CLVS1: variants seen among roughly 807,000 people sequenced by gnomAD.
CLVS1 encodes the protein clavesin 1, also known as clavesin-1.
In CLVS1, 10 loss-of-function variants were observed where a neutral mutation model predicts 33.1. The ratio of observed to expected loss-of-function variants is 0.30; its 90% confidence interval spans 0.19 to 0.51. CLVS1 has a LOEUF of 0.51. Among genes scored for constraint, CLVS1 ranks in the 20% least tolerant of loss-of-function variants. CLVS1 has a pLI of 0.97. For synonymous variants in CLVS1, 163 were observed against 166.1 expected (o/e 0.98, Z 0.14); for missense variants, 343 against 433.4 (o/e 0.79, Z 1.85).
chr8:61,063,258 A>AGT (rs1804614331), intron 1 of CLVS1, among the ~76,000 whole-genome samples: 1 of 120,870 alleles, frequency 8.3e-6, no homozygotes, highest in Non-Finnish European at 1.6e-5. Context: ...AAAGTGAGGA[A>AGT]GCGAGAGAGA....
rs1445508760 is a variant in CLVS1 at position 61,167,531 on chromosome 8, A to C, written c.-152+35671A>C. ...TACCCTTCAAGCCTCTACCTTCTCTATTTAGTGTCAGTGGATAAAAATTAC... is the reference window on the plus strand; with the variant it reads ...TACCCTTCAAGCCTCTACCTTCTCTCTTTAGTGTCAGTGGATAAAAATTAC... On this transcript the variant is annotated intron_variant, in intron 2 of 2. Coordinates refer to the CLVS1 transcript ENST00000522621. Among the ~76,000 whole-genome samples the C allele has an allele frequency of 2.0e-5, 3 of 152,130 alleles. No homozygotes were observed. The South Asian group carries it at 6.2e-4, about 32-fold the overall frequency.
In CLVS1 at chr8:61,211,392, C is replaced by T. The variant is rs118102720; in HGVS notation, c.-152+79532C>T. Among the ~76,000 whole-genome samples the T allele has an allele frequency of 9.6e-4, 143 of 149,736 alleles. No homozygotes were observed. The East Asian group carries it at 0.022, about 23-fold the overall frequency. ...TCCTTCTTTCCCTTCTCTTCCTTCC[C>T]CCTTTACCTCCTCCTCCTCCCCCTA... On this transcript the variant is annotated intron_variant, in intron 2 of 2. Transcript: ENST00000522621.
intron 2 of CLVS1, among the ~76,000 whole-genome samples, chr8:61,263,967 T>C (rs1256580086): frequency 1.3e-5 from 2 of 152,198 alleles, no homozygotes; most frequent in East Asian, 3.9e-4. Flanking sequence ...GTCGCAGAGA[T>C]TGAGTGTGAG....
intron 2 of CLVS1, among the ~76,000 whole-genome samples, chr8:61,344,019 C>A (rs928929099): frequency 2.7e-4 from 41 of 152,040 alleles, no homozygotes; most frequent in African/African-American, 9.6e-4. Flanking sequence ...TGGTCCTATG[C>A]CAAAGGACCA....
At chr8:61,120,187 C>T (rs1456303843) in intron 1 of CLVS1, among the ~76,000 whole-genome samples, 21 of 146,012 alleles carry the variant, frequency 1.4e-4, no homozygotes, top group African/African-American at 5.4e-4. Context: ...CTTCTGCATT[C>T]TTCACGTAGT....
chr8:61,343,252 A>T (rs924381051), intron 2 of CLVS1, among the ~76,000 whole-genome samples: 2 of 152,250 alleles, frequency 1.3e-5, no homozygotes, highest in African/African-American at 4.8e-5. Context: ...TGTTTTTCAA[A>T]AGATAAAAAT....
At chr8:61,221,526 G>T (rs565469385) in intron 2 of CLVS1, among the ~76,000 whole-genome samples, 1 of 152,298 alleles carries the variant, frequency 6.6e-6, no homozygotes, top group African/African-American at 2.4e-5. Context: ...TGATCCCAGG[G>T]ATGAAGCTGA....
intron 2 of CLVS1, among the ~76,000 whole-genome samples, chr8:61,343,976 C>T (rs1812114549): frequency 6.6e-6 from 1 of 152,126 alleles, no homozygotes; most frequent in Admixed American, 6.5e-5. Context: ...TACATACATA[C>T]ATATACACAC....
chr8:61,299,767 G>C lies in CLVS1; in HGVS notation c.-61G>C. On this transcript the variant is annotated 5_prime_UTR_variant, in exon 2 of 6. Coordinates refer to ENST00000325897, the MANE Select transcript of CLVS1 (RefSeq NM_173519.3). ...AGAAGACCCTCTATTTGTCTGTTCC[G>C]GGGCAGCCTGGTAGTAAAACACTGT... is the stretch of plus-strand genomic sequence containing the variant. 2 of 1,279,446 alleles carry C rather than the reference G, an allele frequency of 1.6e-6. No homozygotes were observed. Among genetic ancestry groups the C allele is most frequent in the South Asian group, 1.4e-5 (1 of 72,216 alleles). 79.3% of individuals were successfully genotyped at this position (1,279,446 alleles called of 1,614,324 possible). A position where few individuals can be genotyped will look rare whatever the true frequency, so the allele number is the denominator to read the frequency against.
chr8:61,391,604 A>G (rs1242340612), intron 3 of CLVS1, among the ~76,000 whole-genome samples: 1 of 152,216 alleles, frequency 6.6e-6, no homozygotes. Context: ...AATATTAACA[A>G]TGTGAAATAA....
chr8:61,222,594 A>G (rs1489727393), intron 2 of CLVS1, among the ~76,000 whole-genome samples: 3 of 152,132 alleles, frequency 2.0e-5, no homozygotes, highest in Non-Finnish European at 4.4e-5. Context: ...TTTTACTTCC[A>G]ATTATGTGGT....
At chr8:61,384,144 G>A (rs955631181) in intron 3 of CLVS1, among the ~76,000 whole-genome samples, 4 of 152,156 alleles carry the variant, frequency 2.6e-5, no homozygotes, top group Non-Finnish European at 4.4e-5. Context: ...AGAGAATACA[G>A]ACAAAGACAG....
At chr8:61,201,041 G>A (rs975310015) in intron 2 of CLVS1, among the ~76,000 whole-genome samples, 2 of 152,146 alleles carry the variant, frequency 1.3e-5, no homozygotes, top group Non-Finnish European at 2.9e-5. Context: ...TTACTAAATT[G>A]CAATCCTTTC....
At chr8:61,314,996 A>C (rs1016702268) in intron 2 of CLVS1, among the ~76,000 whole-genome samples, 3 of 152,224 alleles carry the variant, frequency 2.0e-5, no homozygotes, top group African/African-American at 7.2e-5. Context: ...TTGGAAATGT[A>C]GTTGTGCCCA....
the CLVS1 span, among the ~76,000 whole-genome samples, chr8:61,010,673 A>G: frequency 6.6e-6 from 1 of 152,176 alleles, no homozygotes; most frequent in Non-Finnish European, 1.5e-5. Flanking sequence ...CTAAACAGGC[A>G]ATTCTATGAG....
chr8:61,079,872 G>C (rs2129282249), intron 1 of CLVS1, among the ~76,000 whole-genome samples: 1 of 151,808 alleles, frequency 6.6e-6, no homozygotes, highest in South Asian at 2.1e-4. Flanking sequence ...TGTTACTAAT[G>C]GTAAATTTTG....
intron 1 of CLVS1, among the ~76,000 whole-genome samples, chr8:61,112,769 G>T (rs1805652498): frequency 3.9e-5 from 6 of 152,074 alleles, no homozygotes; most frequent in African/African-American, 1.4e-4. Flanking sequence ...TGTGCCACCA[G>T]CAGATGACAT....
intron 1 of CLVS1, among the ~76,000 whole-genome samples, chr8:61,076,494 A>G (rs548454870): frequency 2.0e-4 from 31 of 152,322 alleles, no homozygotes; most frequent in Non-Finnish European, 3.8e-4. Flanking sequence ...CTAACATATC[A>G]GGGAGTGTTT....
At chr8:61,311,386 G>C (rs1426604621) in intron 2 of CLVS1, among the ~76,000 whole-genome samples, 1 of 152,010 alleles carries the variant, frequency 6.6e-6, no homozygotes, top group Non-Finnish European at 1.5e-5. Flanking sequence ...CTTCATCCAG[G>C]GCTCAGCTGC....
Sources: allele counts gnomAD v4.1 joint callset (sites outside exome capture counted in the v4.1 genomes callset), GRCh38; gene constraint gnomAD v4.1.1; transcripts MANE v1.5; gene names NCBI Gene and HGNC (gene_info 2026-07-23, HGNC 2026-07-21).